TIMELESS: variants seen among roughly 807,000 people sequenced by gnomAD.
TIMELESS encodes the protein protein timeless homolog.
In TIMELESS, 124 loss-of-function variants were observed where a neutral mutation model predicts 164.3. The observed-to-expected ratio is 0.75, with a 90% confidence interval of 0.65 to 0.88. The LOEUF (loss-of-function observed/expected upper bound fraction) is 0.88, where lower values mean the gene tolerates loss of function less well. Among genes scored for constraint, TIMELESS ranks in the 40% least tolerant of loss-of-function variants. The pLI is 0.00. For missense variants in TIMELESS, 1,422 were observed against 1,491.4 expected, an observed-to-expected ratio of 0.95 and a Z score of 0.77; for synonymous variants, 564 against 563.4, an observed-to-expected ratio of 1.00 and a Z score of -0.02.
In TIMELESS at chr12:56,423,440, A is replaced by C; in HGVS notation, c.2126T>G (p.Leu709Arg). ...ATTCTGCTGGTAGCTCCTTAGTAGC[A>C]GCACATAGGCTCGAACGACAGTTGA... is the stretch of plus-strand genomic sequence containing the variant. ...ACSTVVRAYV[L>R]LLRSYQQNSA... The change falls in exon 18 of 29, where the codon CTG (leucine) becomes CGG (arginine). Residue 709 changes from leucine to arginine, a missense_variant. Leu to Arg is a moderately radical substitution (Grantham distance 102). Coordinates refer to ENST00000553532, the MANE Select transcript of TIMELESS (RefSeq NM_003920.5). 1 of 1,614,186 alleles carries C rather than the reference A, an allele frequency of 6.2e-7. No homozygotes were observed. Among genetic ancestry groups the C allele is most frequent in the Non-Finnish European group, 8.5e-7 (1 of 1,180,028 alleles).
At chr12:56,422,068 C>A (rs753336155) in intron 20 of TIMELESS, 38 bp downstream of exon 20, 2 of 1,613,774 alleles carry the variant, frequency 1.2e-6, no homozygotes, top group Admixed American at 1.7e-5. Context: ...GCTCAAGCTG[C>A]CCTCCTCATA....
At chr12:56,438,437 T>C (rs886592030) in intron 1 of TIMELESS, among the ~76,000 whole-genome samples, 1 of 151,956 alleles carries the variant, frequency 6.6e-6, no homozygotes, top group Non-Finnish European at 1.5e-5. Flanking sequence ...GTGATCCTCC[T>C]GCCTCCTAAT....
chr12:56,433,986 C>G, intron 2 of TIMELESS, 60 bp from the exon 3 acceptor site: 1 of 1,611,966 alleles, frequency 6.2e-7, no homozygotes. Flanking sequence ...TCCAGACCCA[C>G]ATCTTTTCAC....
chr12:56,418,191 C>A lies in TIMELESS; in HGVS notation c.3397G>T (p.Ala1133Ser). ...TGGGCTAGCAAGAGGGCCCTCAGGG[C>A]TTGTGCTCGGTGCTCTTTACAGTGC... ...EEHCKEHRAQ[A>S]LRALLLAHKK... The change falls in exon 27 of 29, where the codon GCC (alanine) becomes TCC (serine). Residue 1133 changes from alanine to serine, a missense_variant. Transcript: ENST00000553532. 1 of 1,614,230 alleles carries A rather than the reference C, an allele frequency of 6.2e-7. No individual in the cohort carries two copies. Among genetic ancestry groups the A allele is most frequent in the Non-Finnish European group, 8.5e-7 (1 of 1,180,048 alleles).
rs754589619 is a variant in TIMELESS at position 56,425,161 on chromosome 12, A to G, written c.1579-9T>C. On this transcript the variant is annotated splice_polypyrimidine_tract_variant and intron_variant, in intron 13 of 28. Transcript: ENST00000553532. ...CTCTTCTTTTGTTTGTTCTGTGGGG[A>G]AAGAATTGTATTAGGATGTCAAGAG... 106 of 1,610,178 alleles carry G rather than the reference A, an allele frequency of 6.6e-5. No individual in the cohort carries two copies. In the Admixed American group the frequency reaches 9.8e-4, roughly 15 times the overall value.
intron 10 of TIMELESS, among the ~76,000 whole-genome samples, chr12:56,429,345 C>T (rs1384419911): frequency 4.6e-5 from 7 of 151,796 alleles, no homozygotes; most frequent in Non-Finnish European, 7.4e-5. Context: ...ATTATAGGTG[C>T]CCGCCACCAC....
chr12:56,421,051 C>T lies in TIMELESS; in HGVS notation c.2952G>A (p.Glu984=). The T allele has an allele frequency of 6.2e-7, 1 of 1,614,194 alleles. No individual in the cohort carries two copies. The highest frequency in any genetic ancestry group is 8.5e-7 in the Non-Finnish European group (1 of 1,180,048). ...EENLPEEDSE[E]EEEGGSEAEQ... ...CTGCTTCTGAGCCCCCTTCTTCTTC[C>T]TCTTCGCTGTCTTCCTCAGGCAGGT... The change falls in exon 24 of 29, where the codon GAG becomes GAA. Residue 984 remains glutamate (E), a synonymous_variant. Transcript: ENST00000553532.
rs142163670 is a variant in TIMELESS, at chr12:56,435,831, C to T, written c.-61-1600G>A. Reference sequence around the variant, plus strand: ...AAAATTAGCCAGGCGCGATGGCGGGCGCCTGTAATCCCAGCTACTCAGGAG... The same window carrying T: ...AAAATTAGCCAGGCGCGATGGCGGGTGCCTGTAATCCCAGCTACTCAGGAG... On this transcript the variant is annotated intron_variant, in intron 1 of 28. Coordinates refer to ENST00000553532, the MANE Select transcript of TIMELESS (RefSeq NM_003920.5). 3.4e-3 allele frequency among the ~76,000 whole-genome samples: 522 copies of T among 151,928 alleles called. 14 individuals are homozygous for T. The East Asian group carries it at 0.054, about 16-fold the overall frequency.
At chr12:56,437,806 A>G (rs1565687330) in intron 1 of TIMELESS, among the ~76,000 whole-genome samples, 1 of 152,192 alleles carries the variant, frequency 6.6e-6, no homozygotes, top group Admixed American at 6.5e-5. Flanking sequence ...TAATCAACTC[A>G]TCAACGCTCA....
At position 56,430,231 on chromosome 12, in the gene TIMELESS, T is replaced by C. The variant is rs907477555; in HGVS notation, c.960A>G (p.Lys320=). 3 of 1,613,892 alleles carry C rather than the reference T, an allele frequency of 1.9e-6. No homozygotes were observed. In the South Asian group the frequency reaches 3.3e-5, roughly 18 times the overall value. The change falls in exon 10 of 29, where the codon AAA becomes AAG. Residue 320 remains lysine, a synonymous_variant. Transcript: ENST00000553532. The part of the protein sequence containing the change: ...DLGKQPKKVP[K]RRQAARELSI... ...ACAGCTCTCGGGCGGCCTGGCGACG[T>C]TTAGGCACCTTTTTCGGCTGCTTTC...
In TIMELESS at chr12:56,433,820, G is replaced by C. The variant is rs1881977713; in HGVS notation, c.204C>G (p.Ile68Met). ...AQILQSDLLP[I>M]LTQHHQDKPL... is the part of the protein sequence containing the mutation. ...GCTTGTCCTGGTGGTGCTGGGTGAG[G>C]ATGGGCAGAAGGTCGCTCTGTAGGA... Residue 68 changes from isoleucine to methionine, a missense_variant, in exon 3 of 29, where the codon ATC (isoleucine) becomes ATG (methionine). Physicochemically the swap from Ile to Met is conservative, Grantham distance 10 (BLOSUM62 1). Coordinates refer to ENST00000553532, the MANE Select transcript of TIMELESS (RefSeq NM_003920.5). 6.2e-7 allele frequency: 1 copy of C among 1,614,048 alleles called. No homozygotes were observed. Among genetic ancestry groups the C allele is most frequent in the African/African-American group, 1.3e-5 (1 of 74,946 alleles).
At chr12:56,423,518 A>G in intron 17 of TIMELESS, 43 bp from the exon 18 acceptor site, 2 of 1,613,310 alleles carry the variant, frequency 1.2e-6, no homozygotes, top group African/African-American at 1.3e-5. Flanking sequence ...CATAAGGAAG[A>G]CATAGCTCAT....
In TIMELESS at chr12:56,428,642, C is replaced by A. The variant is rs1479460327; in HGVS notation, c.1315G>T (p.Ala439Ser). The A allele has an allele frequency of 6.2e-7, 1 of 1,613,898 alleles. No homozygotes were observed. Among genetic ancestry groups the A allele is most frequent in the Non-Finnish European group, 8.5e-7 (1 of 1,179,850 alleles). ...AASWARRMHL[A>S]LKAYQELLAT... is the part of the protein sequence containing the mutation. ...AGCAGCTCCTGATAGGCCTTCAGAGCCAAGTGCATCCTGAGAGTTGACGGG... is the reference window on the plus strand; with the variant it reads ...AGCAGCTCCTGATAGGCCTTCAGAGACAAGTGCATCCTGAGAGTTGACGGG... The change falls in exon 12 of 29, where the codon GCT (alanine) becomes TCT (serine). Residue 439 changes from alanine (A) to serine (S), a missense_variant. Coordinates refer to ENST00000553532, the MANE Select transcript of TIMELESS (RefSeq NM_003920.5).
chr12:56,448,474 C>CCCA (rs1379490575), intron 1 of TIMELESS, among the ~76,000 whole-genome samples: 1 of 151,866 alleles, frequency 6.6e-6, no homozygotes, highest in Non-Finnish European at 1.5e-5. Flanking sequence ...CGCCTATAAT[C>CCCA]CCAGCACTTT....
chr12:56,445,003 G>A (rs1868329077), intron 1 of TIMELESS, among the ~76,000 whole-genome samples: 3 of 151,436 alleles, frequency 2.0e-5, no homozygotes, highest in South Asian at 4.2e-4. Flanking sequence ...CTACCTTTAT[G>A]TCTCAAAGAT....
At position 56,423,818 on chromosome 12, in the gene TIMELESS, T is replaced by C. The variant is rs749271725; in HGVS notation, c.1945A>G (p.Ile649Val). 3 of 1,614,102 alleles carry C rather than the reference T, an allele frequency of 1.9e-6. No individual in the cohort carries two copies. The South Asian group carries it at 3.3e-5, about 18-fold the overall frequency. ...PEEEIQLLKQ[I>V]LSAPLPRQQG... ...TCACGGGGAAGTGGAGCAGAGAGGA[T>C]TTGTTTCAGCAACTGGATCTCTTCC... is the stretch of plus-strand genomic sequence containing the variant. Residue 649 changes from isoleucine (I) to valine (V), a missense_variant, in exon 16 of 29, where the codon ATC becomes GTC. Coordinates refer to ENST00000553532, the MANE Select transcript of TIMELESS (RefSeq NM_003920.5).
In TIMELESS at chr12:56,423,336, G is replaced by GAA; in HGVS notation, c.2228_2229dup (p.Gln744PhefsTer24). 1 of 1,614,142 alleles carries GAA rather than the reference G, an allele frequency of 6.2e-7. No individual in the cohort carries two copies. Among genetic ancestry groups the GAA allele is most frequent in the Non-Finnish European group, 8.5e-7 (1 of 1,180,028 alleles). ...TTGAAGAGGCAGAAGACTGACAGCT[G>GAA]AAAAAGTAGGGCTTCCATTTTGAGG... On this transcript the variant is annotated frameshift_variant, in exon 18 of 29. Coordinates refer to ENST00000553532, the MANE Select transcript of TIMELESS (RefSeq NM_003920.5). LOFTEE classifies it high-confidence loss of function.
chr12:56,436,576 C>G (rs1213458596), intron 1 of TIMELESS, among the ~76,000 whole-genome samples: 2 of 152,176 alleles, frequency 1.3e-5, no homozygotes, highest in African/African-American at 4.8e-5. Flanking sequence ...ATGCCAGAGT[C>G]AAGTTATGAG....
At chr12:56,424,327 T>A (rs1016344717) in intron 15 of TIMELESS, among the ~76,000 whole-genome samples, 1 of 152,236 alleles carries the variant, frequency 6.6e-6, no homozygotes, top group Non-Finnish European at 1.5e-5. Flanking sequence ...GGATGGTTAC[T>A]CATCAAAATG....
Sources: gnomAD v4.1 joint callset for allele counts (sites outside exome capture counted in the v4.1 genomes callset) on GRCh38, gnomAD v4.1.1 for gene constraint, MANE v1.5 for transcripts, NCBI Gene and HGNC (gene_info 2026-07-23, HGNC 2026-07-21) for gene names.